CA10: variants seen among roughly 807,000 people sequenced by gnomAD.
The protein encoded by CA10 is carbonic anhydrase-related protein 10.
Under a neutral mutation model 44.2 loss-of-function variants are expected in CA10, and 14 were observed. That is an observed-to-expected ratio of 0.32 (90% CI 0.21 to 0.50). The LOEUF (loss-of-function observed/expected upper bound fraction) is 0.50. Among genes scored for constraint, CA10 ranks in the 20% least tolerant of loss-of-function variants. The pLI is 0.99. For synonymous variants in CA10, 159 were observed against 141.6 expected (o/e 1.12, Z -0.87); for missense variants, 350 against 409.7 (o/e 0.85, Z 1.26).
chr17:52,045,218 C>T (rs1055174803), intron 2 of CA10, among the ~76,000 whole-genome samples: 3 of 150,766 alleles, frequency 2.0e-5, no homozygotes, highest in African/African-American at 7.2e-5. Flanking sequence ...AGTAAAAACA[C>T]ATTTTATAAA....
intron 2 of CA10, among the ~76,000 whole-genome samples, chr17:51,937,609 G>A (rs1022201478): frequency 3.9e-5 from 6 of 152,156 alleles, no homozygotes; most frequent in African/African-American, 1.4e-4. Context: ...TCATTAATTT[G>A]TGCATTCATC....
Position 51,849,205 on chromosome 17 carries a change from G to GTATATATATATATACA in CA10, c.279+81769_279+81784dup, listed in dbSNP as rs1225028609. On this transcript the variant is annotated intron_variant, in intron 3 of 8. Transcript: ENST00000451037. ...TATGTATATATATATATACATATAT[G>GTATATATATATATACA]TATATATATATATACATATATGTGT... is the stretch of plus-strand genomic sequence containing the variant. 6.0e-5 allele frequency among the ~76,000 whole-genome samples: 3 copies of GTATATATATATATACA among 50,414 alleles called. 1 individual carries two copies. The highest frequency in any genetic ancestry group is 2.3e-4 in the African/African-American group (3 of 12,816). 33.1% of individuals were successfully genotyped at this position (50,414 alleles called of 152,430 possible).
intron 3 of CA10, among the ~76,000 whole-genome samples, chr17:51,795,249 C>G (rs1301670753): frequency 6.6e-6 from 1 of 152,152 alleles, no homozygotes; most frequent in African/African-American, 2.4e-5. Flanking sequence ...ATACTCAAAG[C>G]TGTCTCTGGT....
intron 3 of CA10, among the ~76,000 whole-genome samples, chr17:51,801,071 T>C (rs962890438): frequency 2.0e-5 from 3 of 152,228 alleles, no homozygotes; most frequent in Non-Finnish European, 4.4e-5. Context: ...CCTCAGGGAC[T>C]GGAGGTCACT....
At chr17:51,787,120 C>T (rs928666426) in intron 3 of CA10, among the ~76,000 whole-genome samples, 3 of 152,102 alleles carry the variant, frequency 2.0e-5, no homozygotes, top group African/African-American at 4.8e-5. Context: ...TTAGGGATAT[C>T]GGCCTGCAGT....
intron 3 of CA10, among the ~76,000 whole-genome samples, chr17:51,752,624 G>A (rs1904927540): frequency 6.6e-6 from 1 of 151,830 alleles, no homozygotes; most frequent in Non-Finnish European, 1.5e-5. Flanking sequence ...GCTCATTTCA[G>A]ATTAAAAAAA....
chr17:51,652,065 G>T (rs1314460552), intron 5 of CA10, among the ~76,000 whole-genome samples: 1 of 152,160 alleles, frequency 6.6e-6, no homozygotes, highest in Non-Finnish European at 1.5e-5. Context: ...CTCCCTTCTT[G>T]CCCTCACTTG....
intron 3 of CA10, among the ~76,000 whole-genome samples, chr17:51,905,320 G>C (rs139133015): frequency 7.2e-5 from 11 of 152,064 alleles, no homozygotes; most frequent in African/African-American, 1.9e-4. Context: ...GACCTCATAG[G>C]CCCATTGTAA....
intron 4 of CA10, among the ~76,000 whole-genome samples, chr17:51,726,000 G>A (rs547359648): frequency 1.3e-5 from 2 of 152,200 alleles, no homozygotes; most frequent in East Asian, 3.9e-4. Context: ...GGGAGTGAAA[G>A]TAGTGATGCT....
At chr17:51,715,158 T>C (rs919647611) in intron 4 of CA10, among the ~76,000 whole-genome samples, 1 of 151,950 alleles carries the variant, frequency 6.6e-6, no homozygotes, top group South Asian at 2.1e-4. Context: ...TAGGTGGGAA[T>C]TGAACAATGA....
At chr17:51,691,644 A>G (rs1357049175) in intron 4 of CA10, among the ~76,000 whole-genome samples, 2 of 152,154 alleles carry the variant, frequency 1.3e-5, no homozygotes, top group Non-Finnish European at 2.9e-5. Flanking sequence ...TGCCTAAACT[A>G]ATGTCATAGA....
chr17:51,942,416 G>C (rs1983113815), intron 2 of CA10, among the ~76,000 whole-genome samples: 1 of 151,822 alleles, frequency 6.6e-6, no homozygotes, highest in Non-Finnish European at 1.5e-5. Context: ...TTATCGAGGT[G>C]CTAGATTTTG....
At chr17:51,829,210 C>T (rs2143779434) in intron 3 of CA10, among the ~76,000 whole-genome samples, 1 of 152,362 alleles carries the variant, frequency 6.6e-6, no homozygotes, top group South Asian at 2.1e-4. Flanking sequence ...AGGGTAACAG[C>T]TCAAAGACTG....
At chr17:51,896,573 C>A (rs559687747) in intron 3 of CA10, among the ~76,000 whole-genome samples, 1 of 152,046 alleles carries the variant, frequency 6.6e-6, no homozygotes, top group South Asian at 2.1e-4. Context: ...TATGGCAGCA[C>A]AATTTATATA....
chr17:51,639,033 C>T (rs1912961691), intron 6 of CA10, among the ~76,000 whole-genome samples: 1 of 152,148 alleles, frequency 6.6e-6, no homozygotes, highest in Non-Finnish European at 1.5e-5. Flanking sequence ...ACCAGAAGGT[C>T]TTCCCAGCAC....
At chr17:51,766,451 A>C (rs935999875) in intron 3 of CA10, among the ~76,000 whole-genome samples, 8 of 152,188 alleles carry the variant, frequency 5.3e-5, no homozygotes, top group Middle Eastern at 6.8e-3. Context: ...GACAGGCAAC[A>C]TAGTAGGAGA....
intron 1 of CA10, among the ~76,000 whole-genome samples, chr17:52,090,132 C>T (rs1988220938): frequency 6.6e-6 from 1 of 152,008 alleles, no homozygotes; most frequent in Non-Finnish European, 1.5e-5. Context: ...AAAAAAGCAA[C>T]CTCAGAAGGG....
At chr17:52,015,771 C>A (rs58882382) in intron 2 of CA10, among the ~76,000 whole-genome samples, 4,848 of 152,222 alleles carry the variant, frequency 0.032, 264 homozygotes, top group African/African-American at 0.11. Context: ...AGCCTAAGGT[C>A]TGAAACCTTA....
At chr17:52,041,673 C>A (rs1404080126) in intron 2 of CA10, among the ~76,000 whole-genome samples, 1 of 152,102 alleles carries the variant, frequency 6.6e-6, no homozygotes, top group Non-Finnish European at 1.5e-5. Context: ...ATTAGATACT[C>A]AGTACTTATT....
Sources: gnomAD v4.1 joint callset for allele counts (sites outside exome capture counted in the v4.1 genomes callset) on GRCh38, gnomAD v4.1.1 for gene constraint, MANE v1.5 for transcripts, NCBI Gene and HGNC (gene_info 2026-07-23, HGNC 2026-07-21) for gene names.